PPM1H: variants seen among roughly 807,000 people sequenced by gnomAD.
PPM1H encodes protein phosphatase, Mg2+/Mn2+ dependent 1H.
In PPM1H, 27 loss-of-function variants were observed where a neutral mutation model predicts 54.9. That is an observed-to-expected ratio of 0.49 (90% CI 0.36 to 0.68). The LOEUF (loss-of-function observed/expected upper bound fraction) is 0.68, where lower values mean the gene tolerates loss of function less well. Ranked by LOEUF, PPM1H falls within the 30% of genes least tolerant of loss-of-function variation. The pLI is 0.00. For missense variants in PPM1H, 596 were observed against 667.8 expected, an observed-to-expected ratio of 0.89 and a Z score of 1.19; for synonymous variants, 305 against 270.8, an observed-to-expected ratio of 1.13 and a Z score of -1.24.
intron 1 of PPM1H, among the ~76,000 whole-genome samples, chr12:62,845,154 C>G (rs908747109): frequency 1.3e-5 from 2 of 152,216 alleles, no homozygotes; most frequent in African/African-American, 4.8e-5. Context: ...GAGGGAAATT[C>G]CAAAGGTCTA....
intron 4 of PPM1H, among the ~76,000 whole-genome samples, chr12:62,760,266 C>G (rs2076500586): frequency 6.6e-6 from 1 of 152,124 alleles, no homozygotes; most frequent in African/African-American, 2.4e-5. Flanking sequence ...ATTGGTTCCT[C>G]CCTAGTCTCT....
chr12:62,878,306 C>T (rs1161294699), intron 1 of PPM1H, among the ~76,000 whole-genome samples: 12 of 152,208 alleles, frequency 7.9e-5, no homozygotes, highest in Non-Finnish European at 1.5e-4. Flanking sequence ...TCTTCATCCC[C>T]GCTTTGACCC....
At chr12:62,707,163 G>C (rs988825663) in intron 6 of PPM1H, among the ~76,000 whole-genome samples, 87 of 152,144 alleles carry the variant, frequency 5.7e-4, no homozygotes, top group African/African-American at 2.1e-3. Context: ...TAAATGCCCT[G>C]GGCAGCATGG....
At chr12:62,672,109 T>A (rs980786114) in intron 8 of PPM1H, among the ~76,000 whole-genome samples, 1 of 152,228 alleles carries the variant, frequency 6.6e-6, no homozygotes, top group African/African-American at 2.4e-5. Context: ...AAACTGATTG[T>A]TCCACAGAGA....
At chr12:62,762,759 T>C (rs901829761) in intron 4 of PPM1H, among the ~76,000 whole-genome samples, 1 of 152,096 alleles carries the variant, frequency 6.6e-6, no homozygotes, top group African/African-American at 2.4e-5. Flanking sequence ...TTCTTGAACG[T>C]GGTGTCATCC....
At chr12:62,919,953 T>C (rs765023548) in intron 1 of PPM1H, among the ~76,000 whole-genome samples, 9 of 152,026 alleles carry the variant, frequency 5.9e-5, no homozygotes, top group Non-Finnish European at 1.2e-4. Context: ...AACACCAAGA[T>C]TAAAAAAAAA....
chr12:62,665,319 G>A (rs2075911709), intron 9 of PPM1H, among the ~76,000 whole-genome samples: 1 of 152,276 alleles, frequency 6.6e-6, no homozygotes, highest in Middle Eastern at 3.4e-3. Context: ...AAAGTGCTGG[G>A]ATTACAGGGA....
At chr12:62,688,752 T>C (rs1011878925) in intron 8 of PPM1H, among the ~76,000 whole-genome samples, 10 of 152,090 alleles carry the variant, frequency 6.6e-5, no homozygotes, top group African/African-American at 2.4e-4. Flanking sequence ...TCTCAGCACT[T>C]AGGGAGGCTG....
In PPM1H at chr12:62,923,604, A is replaced by G. The variant is rs571533547; in HGVS notation, c.245+10888T>C. Among the ~76,000 whole-genome samples the G allele has an allele frequency of 2.0e-5, 3 of 152,260 alleles. 1 individual carries two copies. In the South Asian group the frequency reaches 6.2e-4, roughly 32 times the overall value. On this transcript the variant is annotated intron_variant, in intron 1 of 9. Coordinates refer to ENST00000228705, the MANE Select transcript of PPM1H (RefSeq NM_020700.2). ...TTAAGTAGTGACGAGGTTTCACCAC[A>G]TCGGCCAAGCTGGTCTCGAGCTCCT...
intron 1 of PPM1H, among the ~76,000 whole-genome samples, chr12:62,891,310 T>C (rs1870789483): frequency 1.3e-5 from 2 of 152,136 alleles, no homozygotes; most frequent in African/African-American, 2.4e-5. Context: ...GGTACATTTA[T>C]CCAGTCTAAG....
chr12:62,697,133 C>CTTATTTTT (rs1555189785), intron 6 of PPM1H, among the ~76,000 whole-genome samples: 1 of 146,486 alleles, frequency 6.8e-6, no homozygotes, highest in East Asian at 2.0e-4. Flanking sequence ...GGTCTGTGTT[C>CTTATTTTT]TTTTTTTTTT....
At chr12:62,833,876 T>TTTCTC (rs77757677) in intron 1 of PPM1H, among the ~76,000 whole-genome samples, 14,248 of 152,206 alleles carry the variant, frequency 0.094, 1,131 homozygotes, top group African/African-American at 0.22. Flanking sequence ...CCATCTATCT[T>TTTCTC]TTCAATTGAC....
In PPM1H at chr12:62,844,824, C is replaced by A. The variant is rs1216445266; in HGVS notation, c.246-12545G>T. ...ACTAGAATAATGACGGTGTTCTAAG[C>A]CTGCCTATATATTTCTTAAAGCTTA... On this transcript the variant is annotated intron_variant, in intron 1 of 9. Transcript: ENST00000228705. The surrounding 1 kb of genome is among the most constrained non-coding windows in gnomAD (Gnocchi z 5.2). 6.6e-6 allele frequency among the ~76,000 whole-genome samples: 1 copy of A among 152,196 alleles called. No individual in the cohort carries two copies. Among genetic ancestry groups the A allele is most frequent in the South Asian group, 2.1e-4 (1 of 4,828 alleles).
intron 1 of PPM1H, among the ~76,000 whole-genome samples, chr12:62,911,349 T>C (rs748992477): frequency 4.6e-5 from 7 of 152,212 alleles, no homozygotes; most frequent in Admixed American, 6.5e-5. Flanking sequence ...CAAAAGGCAA[T>C]TTTTACTTTA....
At chr12:62,820,206 G>A (rs1045187386) in intron 2 of PPM1H, among the ~76,000 whole-genome samples, 3 of 152,236 alleles carry the variant, frequency 2.0e-5, no homozygotes, top group South Asian at 2.1e-4. Context: ...GGGGAGAGGC[G>A]TCTGCCACTG....
intron 9 of PPM1H, among the ~76,000 whole-genome samples, chr12:62,658,212 T>TTCTTC (rs768288538): frequency 3.1e-5 from 4 of 130,538 alleles, no homozygotes; most frequent in Non-Finnish European, 6.4e-5. Flanking sequence ...TTTTTTTTTT[T>TTCTTC]AAGTAAAAAA....
At chr12:62,925,157 T>C (rs1259243598) in intron 1 of PPM1H, among the ~76,000 whole-genome samples, 1 of 152,172 alleles carries the variant, frequency 6.6e-6, no homozygotes, top group Non-Finnish European at 1.5e-5. Context: ...GTAAATATCT[T>C]AGACTAATTA....
In PPM1H at chr12:62,666,528, G is replaced by C. The variant is rs937477526; in HGVS notation, c.1397+650C>G. Among the ~76,000 whole-genome samples the C allele has an allele frequency of 2.6e-5, 4 of 152,132 alleles. No individual in the cohort carries two copies. In the South Asian group the frequency reaches 8.3e-4, roughly 32 times the overall value. The stretch of plus-strand genomic sequence containing the variant: ...TCCAATGGATGACTATCAGTGCTGG[G>C]GTGCATTTGCCATCACTCTCATCAA... On this transcript the variant is annotated intron_variant, in intron 9 of 9. Coordinates refer to ENST00000228705, the MANE Select transcript of PPM1H (RefSeq NM_020700.2).
intron 7 of PPM1H, among the ~76,000 whole-genome samples, chr12:62,691,810 C>CAAA (rs34984420): frequency 0.1 from 13,045 of 127,536 alleles, 742 homozygotes; most frequent in African/African-American, 0.13. Flanking sequence ...TGCCATGTCT[C>CAAA]AAAAAAAAAA....
Sources: gnomAD v4.1 joint callset for allele counts (sites outside exome capture counted in the v4.1 genomes callset) on GRCh38, gnomAD v4.1.1 for gene constraint, Gnocchi (gnomAD v3.1) non-coding constraint, MANE v1.5 for transcripts, NCBI Gene and HGNC (gene_info 2026-07-23, HGNC 2026-07-21) for gene names.